The following CSMD3 variants were observed in gnomAD, a reference collection of about 807,000 sequenced individuals.
CSMD3 encodes CUB and Sushi multiple domains 3, also known as CUB and sushi domain-containing protein 3.
Under a neutral mutation model 435.2 loss-of-function variants are expected in CSMD3, and 177 were observed. The ratio of observed to expected loss-of-function variants is 0.41; its 90% CI spans 0.36 to 0.46. CSMD3 has a LOEUF of 0.46. CSMD3 is among the 20% of genes least tolerant of loss of function. The pLI is 0.34. For synonymous variants in CSMD3, 1,656 were observed against 1,520.5 expected, an observed-to-expected ratio of 1.09 and a Z score of -2.07; for missense variants, 4,265 against 4,504.6, an observed-to-expected ratio of 0.95 and a Z score of 1.52.
intron 13 of CSMD3, among the ~76,000 whole-genome samples, chr8:112,769,005 GAT>G (rs2078048649): frequency 6.6e-6 from 1 of 151,746 alleles, no homozygotes; most frequent in South Asian, 2.1e-4. Context: ...TGCTTATTTG[GAT>G]ATAAATGGGC....
intron 59 of CSMD3, among the ~76,000 whole-genome samples, chr8:112,273,406 C>G (rs1817707846): frequency 6.6e-6 from 1 of 152,000 alleles, no homozygotes; most frequent in Admixed American, 6.6e-5. Flanking sequence ...CTATGTTAGC[C>G]ATACAGTTGT....
chr8:113,076,081 AG>A (rs1193552272), intron 5 of CSMD3, among the ~76,000 whole-genome samples: 1 of 151,838 alleles, frequency 6.6e-6, no homozygotes, highest in African/African-American at 2.4e-5. Flanking sequence ...ACACAACAAA[AG>A]TTATTAGTTT....
chr8:112,425,011 G>GTTGT (rs1271679712), intron 32 of CSMD3, among the ~76,000 whole-genome samples: 1 of 152,116 alleles, frequency 6.6e-6, no homozygotes, highest in African/African-American at 2.4e-5. Flanking sequence ...TAGTAAGAAT[G>GTTGT]TTGTTTAAAT....
chr8:112,879,779 A>G (rs142703794), intron 10 of CSMD3, among the ~76,000 whole-genome samples: 1,982 of 152,190 alleles, frequency 0.013, 21 homozygotes, highest in Non-Finnish European at 0.02. Context: ...TGGGACATCA[A>G]TGAAGCTGGA....
Position 112,244,518 on chromosome 8 carries a change from G to A in CSMD3, c.10278C>T (p.Asp3426=), listed in dbSNP as rs757089272. ...TPAHANVVGM[D]LPSHGYTLIY... The stretch of plus-strand genomic sequence containing the variant: ...TCAGTGTATACCCATGAGATGGAAG[G>A]TCCATCCCTACGACATTTGCATGAG... The change falls in exon 65 of 71, where the codon GAC becomes GAT. Residue 3426 remains aspartate, a synonymous_variant. Transcript: ENST00000297405. 2.5e-6 allele frequency: 4 copies of A among 1,613,580 alleles called. No individual in the cohort carries two copies. In the East Asian group the frequency reaches 6.7e-5, roughly 27 times the overall value.
chr8:112,823,316 G>C (rs571755469), intron 12 of CSMD3, among the ~76,000 whole-genome samples: 1 of 152,204 alleles, frequency 6.6e-6, no homozygotes, highest in South Asian at 2.1e-4. Flanking sequence ...TTCAGAACTT[G>C]TTATTGGTCT....
At chr8:112,762,352 GC>G (rs980298362) in intron 13 of CSMD3, among the ~76,000 whole-genome samples, 2 of 151,916 alleles carry the variant, frequency 1.3e-5, no homozygotes, top group African/African-American at 4.8e-5. Flanking sequence ...TTCAATTCAA[GC>G]ATGTATTATC....
intron 10 of CSMD3, among the ~76,000 whole-genome samples, chr8:112,912,569 G>C (rs1010709561): frequency 6.6e-6 from 1 of 151,584 alleles, no homozygotes; most frequent in African/African-American, 2.4e-5. Context: ...AATTTCAAAT[G>C]GATTAAATAG....
chr8:112,586,312 C>T (rs4416848), intron 23 of CSMD3, among the ~76,000 whole-genome samples: 86,874 of 150,512 alleles, frequency 0.58, 25,577 homozygotes, highest in African/African-American at 0.69. Context: ...AAAAAAGCTA[C>T]ATAACTATTT....
chr8:112,538,870 C>A (rs1826387062), intron 27 of CSMD3: 1 of 151,994 alleles, frequency 6.6e-6, no homozygotes, highest in Non-Finnish European at 1.5e-5. Context: ...GGGGCCTGTC[C>A]TGCACCTAAG....
chr8:113,217,860 G>C (rs1264663831), intron 3 of CSMD3, among the ~76,000 whole-genome samples: 1 of 150,560 alleles, frequency 6.6e-6, no homozygotes, highest in Non-Finnish European at 1.5e-5. Flanking sequence ...GATTCAAAAA[G>C]TTTAGTAAAC....
chr8:112,537,041 G>T (rs1182553784), intron 27 of CSMD3, among the ~76,000 whole-genome samples: 2 of 151,924 alleles, frequency 1.3e-5, no homozygotes, highest in Non-Finnish European at 2.9e-5. Context: ...AAGGGGGAGG[G>T]ATAGCATTAG....
intron 6 of CSMD3, among the ~76,000 whole-genome samples, chr8:113,017,199 C>T (rs1355606723): frequency 6.6e-6 from 1 of 151,870 alleles, no homozygotes; most frequent in Non-Finnish European, 1.5e-5. Context: ...TACAGTGATG[C>T]TACTTTTCAG....
At chr8:113,428,221 T>TATC (rs1265819637) in intron 1 of CSMD3, among the ~76,000 whole-genome samples, 3 of 137,196 alleles carry the variant, frequency 2.2e-5, no homozygotes, top group African/African-American at 7.7e-5. Context: ...TCTATCTATC[T>TATC]ATCTATCTAT....
intron 1 of CSMD3, among the ~76,000 whole-genome samples, chr8:113,355,519 T>C (rs1253595728): frequency 6.6e-6 from 1 of 151,616 alleles, no homozygotes; most frequent in Non-Finnish European, 1.5e-5. Flanking sequence ...GTAAGGGCAA[T>C]TATATTACCA....
At chr8:112,492,138 AGT>A in intron 31 of CSMD3, among the ~76,000 whole-genome samples, 1 of 152,320 alleles carries the variant, frequency 6.6e-6, no homozygotes, top group South Asian at 2.1e-4. Flanking sequence ...TGTTAGTTTC[AGT>A]GTGTTTGTTC....
chr8:112,562,269 A>G (rs962591580), intron 24 of CSMD3, among the ~76,000 whole-genome samples: 3 of 151,772 alleles, frequency 2.0e-5, no homozygotes, highest in African/African-American at 7.2e-5. Flanking sequence ...AAACACTACC[A>G]GTAATACAAA....
intron 1 of CSMD3, among the ~76,000 whole-genome samples, chr8:113,414,620 A>G (rs2094573726): frequency 6.7e-6 from 1 of 149,718 alleles, no homozygotes; most frequent in Admixed American, 6.7e-5. Flanking sequence ...TCACTTATAG[A>G]TATGAGCACA....
chr8:113,109,483 T>C (rs2090574518), intron 4 of CSMD3, among the ~76,000 whole-genome samples: 1 of 152,098 alleles, frequency 6.6e-6, no homozygotes, highest in Admixed American at 6.5e-5. Context: ...CCCATTCCAA[T>C]AGGGAGAAAC....
Sources: gnomAD v4.1 joint callset for allele counts (sites outside exome capture counted in the v4.1 genomes callset) on GRCh38, gnomAD v4.1.1 for gene constraint, MANE v1.5 for transcripts, NCBI Gene and HGNC (gene_info 2026-07-23, HGNC 2026-07-21) for gene names.